The following SCN3A variants were observed in gnomAD, a reference collection of about 807,000 sequenced individuals.
The protein encoded by SCN3A is sodium channel protein type 3 subunit alpha.
SCN3A carries 60 observed loss-of-function variants against 187.6 expected under a neutral mutation model. That is an observed-to-expected ratio of 0.32 (90% CI 0.26 to 0.40). The LOEUF (loss-of-function observed/expected upper bound fraction) is 0.40. SCN3A is among the 10% of genes least tolerant of loss of function. SCN3A has a pLI of 1.00. For missense variants in SCN3A, 1,601 were observed against 2,428.2 expected (o/e 0.66, Z 7.16); for synonymous variants, 788 against 829.2 (o/e 0.95, Z 0.85).
At chr2:165,107,724 T>C (rs1361175299) in intron 21 of SCN3A, among the ~76,000 whole-genome samples, 1 of 152,234 alleles carries the variant, frequency 6.6e-6, no homozygotes, top group African/African-American at 2.4e-5. Context: ...AAGAACCCAG[T>C]GTTGGGTAAA....
intron 20 of SCN3A, 77 bp from the exon 21 acceptor site, chr2:165,113,135 A>C: frequency 9.6e-7 from 1 of 1,042,180 alleles, no homozygotes; most frequent in South Asian, 1.3e-5. Flanking sequence ...TTAGTATAAT[A>C]GTGAGTACAA....
intron 12 of SCN3A, among the ~76,000 whole-genome samples, chr2:165,142,157 T>TATAG (rs1425222858): frequency 2.6e-5 from 4 of 152,184 alleles, no homozygotes; most frequent in African/African-American, 9.7e-5. Context: ...CCCAGGGTAA[T>TATAG]ATACATACAT....
chr2:165,195,702 G>C (rs1301952343), intron 1 of SCN3A: 1 of 152,048 alleles, frequency 6.6e-6, no homozygotes, highest in Non-Finnish European at 1.5e-5. Context: ...CACTATCATA[G>C]ATTTAATGGG....
At chr2:165,104,596 T>G (rs1374158971) in intron 21 of SCN3A, among the ~76,000 whole-genome samples, 1 of 151,124 alleles carries the variant, frequency 6.6e-6, no homozygotes, top group Non-Finnish European at 1.5e-5. Flanking sequence ...GAAATGGGTC[T>G]TCATAAACAT....
chr2:165,156,347 A>G, intron 9 of SCN3A, among the ~76,000 whole-genome samples: 1 of 138,756 alleles, frequency 7.2e-6, no homozygotes, highest in South Asian at 2.5e-4. Flanking sequence ...TCTACTAAAA[A>G]TACAAAAAAA....
intron 14 of SCN3A, 39 bp from the exon 15 acceptor site, chr2:165,138,156 C>CA: frequency 7.1e-7 from 1 of 1,406,122 alleles, no homozygotes; most frequent in South Asian, 1.2e-5. Context: ...TAAATAACAA[C>CA]AAAAATGAGT....
chr2:165,122,535 A>G (rs1476367155), intron 18 of SCN3A, among the ~76,000 whole-genome samples: 1 of 152,188 alleles, frequency 6.6e-6, no homozygotes, highest in East Asian at 1.9e-4. Flanking sequence ...AAACATTCCT[A>G]TCATGTTTTA....
rs1574191175 is a variant in SCN3A, at chr2:165,138,069, G to A, written c.2201C>T (p.Ala734Val). ...GCAGTCCCAGATCAAGAACACATTG[G>A]CAAATCTATACCAGCATGGCGGACA... ...QKCPPCWYRF[A>V]NVFLIWDCCD... The change falls in exon 15 of 28, where the codon GCC becomes GTC. Residue 734 changes from alanine (A) to valine (V), a missense_variant. Coordinates refer to ENST00000283254, the MANE Select transcript of SCN3A (RefSeq NM_006922.4). The A allele has an allele frequency of 1.2e-6, 2 of 1,613,430 alleles. No homozygotes were observed. The highest frequency in any genetic ancestry group is 1.7e-6 in the Non-Finnish European group (2 of 1,179,608).
intron 12 of SCN3A, among the ~76,000 whole-genome samples, chr2:165,143,961 C>A (rs987874182): frequency 3.9e-5 from 6 of 151,974 alleles, no homozygotes; most frequent in Middle Eastern, 3.4e-3. Flanking sequence ...TCATTTTATA[C>A]TTTTAAGTAT....
intron 2 of SCN3A, among the ~76,000 whole-genome samples, chr2:165,177,336 A>C (rs1044947746): frequency 2.0e-5 from 3 of 152,182 alleles, no homozygotes; most frequent in South Asian, 2.1e-4. Flanking sequence ...TGGACAAAGT[A>C]ACCCCTTATT....
At position 165,106,848 on chromosome 2, in the gene SCN3A, T is replaced by C. The variant is rs189824148; in HGVS notation, c.3843+6037A>G. 2.2e-4 allele frequency among the ~76,000 whole-genome samples: 33 copies of C among 152,188 alleles called. No individual in the cohort carries two copies. The East Asian group carries it at 5.8e-3, about 27-fold the overall frequency. ...TTCCGAAAACATTTATTTGCAGAGG[T>C]TGTGACTGGAGGCAGGAACATTTAG... On this transcript the variant is annotated intron_variant, in intron 21 of 27. Transcript: ENST00000283254.
At chr2:165,190,427 G>GTCCTTAA (rs1395090820) in intron 1 of SCN3A, among the ~76,000 whole-genome samples, 2 of 151,222 alleles carry the variant, frequency 1.3e-5, no homozygotes, top group Admixed American at 6.6e-5. Flanking sequence ...TTAGCCTACA[G>GTCCTTAA]TCCTTAACAG....
chr2:165,167,567 C>T (rs913233120), intron 5 of SCN3A, among the ~76,000 whole-genome samples: 15 of 152,124 alleles, frequency 9.9e-5, no homozygotes, highest in South Asian at 6.2e-4. Context: ...AGTCAGATAC[C>T]TGATTATTGT....
At chr2:165,122,679 C>T (rs560555824) in intron 18 of SCN3A, 1 of 152,292 alleles carries the variant, frequency 6.6e-6, no homozygotes, top group East Asian at 1.9e-4. Flanking sequence ...TGATGTGTCA[C>T]ACGATTCAGC....
At chr2:165,193,691 C>G (rs1171122143) in intron 1 of SCN3A, among the ~76,000 whole-genome samples, 1 of 152,014 alleles carries the variant, frequency 6.6e-6, no homozygotes, top group African/African-American at 2.4e-5. Context: ...GCCTTTTTCA[C>G]TTGGCAACCT....
At chr2:165,186,961 A>G (rs752361410) in intron 1 of SCN3A, among the ~76,000 whole-genome samples, 19 of 152,224 alleles carry the variant, frequency 1.2e-4, no homozygotes, top group Non-Finnish European at 2.4e-4. Flanking sequence ...CCAGGATCCT[A>G]GGGTTGGGAC....
chr2:165,120,342 G>A (rs550373019), intron 18 of SCN3A, among the ~76,000 whole-genome samples: 23 of 151,798 alleles, frequency 1.5e-4, no homozygotes, highest in African/African-American at 4.8e-4. Flanking sequence ...ATTCCCCGCC[G>A]CCCAATAGAG....
intron 5 of SCN3A, among the ~76,000 whole-genome samples, chr2:165,165,847 T>G (rs904162454): frequency 1.3e-5 from 2 of 152,236 alleles, no homozygotes; most frequent in Admixed American, 1.3e-4. Context: ...TTTTCTTAAG[T>G]ACATTCCCTT....
rs944409882 is a variant in SCN3A, at chr2:165,164,359, C to T, written c.602+33G>A. The T allele has an allele frequency of 2.5e-6, 4 of 1,613,274 alleles. No individual in the cohort carries two copies. The African/African-American group carries it at 4.0e-5, about 16-fold the overall frequency. Reference sequence around the variant, plus strand: ...GTTTGTACTATGACTATTTTCACTCCTTTGCGCTTATCAAATTTTCAAAGT... The same window carrying T: ...GTTTGTACTATGACTATTTTCACTCTTTTGCGCTTATCAAATTTTCAAAGT... On this transcript the variant is annotated intron_variant, in intron 6 of 27. Transcript: ENST00000283254.
Sources: allele counts gnomAD v4.1 joint callset (sites outside exome capture counted in the v4.1 genomes callset), GRCh38; gene constraint gnomAD v4.1.1; transcripts MANE v1.5; gene names NCBI Gene and HGNC (gene_info 2026-07-23, HGNC 2026-07-21).